NTN1: variants seen among roughly 807,000 people sequenced by gnomAD.
The protein encoded by NTN1 is netrin-1.
In NTN1, 11 loss-of-function variants were observed where a neutral mutation model predicts 54.2. That is an observed-to-expected ratio of 0.20 (90% CI 0.13 to 0.34). The LOEUF is 0.34. Ranked by LOEUF, NTN1 falls within the 10% of genes least tolerant of loss-of-function variation. The pLI, the probability that NTN1 is intolerant of heterozygous loss-of-function variation, is 1.00. For synonymous variants in NTN1, 371 were observed against 382.0 expected, an observed-to-expected ratio of 0.97 and a Z score of 0.33; for missense variants, 740 against 893.1, an observed-to-expected ratio of 0.83 and a Z score of 2.18.
intron 2 of NTN1, among the ~76,000 whole-genome samples, chr17:9,053,045 A>T (rs2142200472): frequency 6.6e-6 from 1 of 152,340 alleles, no homozygotes; most frequent in South Asian, 2.1e-4. Context: ...TTGAACTTGG[A>T]TGACGATGTA....
At chr17:9,107,657 G>A (rs2092172214) in intron 2 of NTN1, among the ~76,000 whole-genome samples, 1 of 152,146 alleles carries the variant, frequency 6.6e-6, no homozygotes, top group African/African-American at 2.4e-5. Flanking sequence ...GGTGGTGGTC[G>A]GCAAACCATG....
At chr17:9,026,401 G>GGT (rs1555562097) in intron 2 of NTN1, among the ~76,000 whole-genome samples, 2 of 146,126 alleles carry the variant, frequency 1.4e-5, no homozygotes, top group African/African-American at 5.0e-5. Context: ...CGGGGGGGGG[G>GGT]AACAAACAAC....
chr17:9,072,848 C>T (rs1033719077), intron 2 of NTN1, among the ~76,000 whole-genome samples: 10 of 152,208 alleles, frequency 6.6e-5, no homozygotes, highest in African/African-American at 1.9e-4. Flanking sequence ...CTCTCCTAGT[C>T]GGGGAACCAG....
chr17:9,227,355 T>A (rs4791821), intron 6 of NTN1, among the ~76,000 whole-genome samples: 120,182 of 149,690 alleles, frequency 0.8, 48,145 homozygotes, highest in African/African-American at 0.86. Context: ...TCAGTCACAC[T>A]CACATCATAC....
At chr17:9,026,889 A>T (rs890826709) in intron 2 of NTN1, among the ~76,000 whole-genome samples, 3 of 152,064 alleles carry the variant, frequency 2.0e-5, no homozygotes, top group Non-Finnish European at 4.4e-5. Flanking sequence ...ATGGCTTTGC[A>T]TTGCTCAGCT....
chr17:9,007,343 TTC>T, the NTN1 span, among the ~76,000 whole-genome samples: 25,356 of 149,230 alleles, frequency 0.17, 2,363 homozygotes, highest in Non-Finnish European at 0.21. Context: ...TTTTCTTTCT[TTC>T]TCTTTCTCTC....
intron 6 of NTN1, among the ~76,000 whole-genome samples, chr17:9,235,032 G>A (rs969599196): frequency 1.1e-4 from 15 of 139,532 alleles, no homozygotes; most frequent in African/African-American, 1.4e-4. Flanking sequence ...GTGCGATCTC[G>A]GCTCACTGCA....
intron 3 of NTN1, among the ~76,000 whole-genome samples, chr17:9,178,431 TTCTTC>T (rs1460689144): frequency 6.6e-6 from 1 of 152,206 alleles, no homozygotes; most frequent in Non-Finnish European, 1.5e-5. Context: ...ATTCCTCACA[TTCTTC>T]TCTTCTCCAC....
chr17:9,221,208 G>A lies in NTN1; in HGVS notation c.1452G>A (p.Lys484=), dbSNP rs751434475. Residue 484 remains lysine (K), a synonymous_variant, in exon 6 of 7, where the codon AAG becomes AAA. Coordinates refer to ENST00000173229, the MANE Select transcript of NTN1 (RefSeq NM_004822.3). The surrounding 1 kb of genome is among the most constrained non-coding windows in gnomAD (Gnocchi z 4.5). ...SYCKASKGKL[K]INMKKYCKKD... Reference sequence around the variant, plus strand: ...GCAAGGCCTCCAAGGGGAAGCTGAAGATTAACATGAAAAAGTACTGCAAGA... The same window carrying A: ...GCAAGGCCTCCAAGGGGAAGCTGAAAATTAACATGAAAAAGTACTGCAAGA... The A allele has an allele frequency of 8.7e-6, 14 of 1,610,098 alleles. No individual in the cohort carries two copies. The East Asian group carries it at 3.1e-4, about 36-fold the overall frequency.
intron 2 of NTN1, among the ~76,000 whole-genome samples, chr17:9,023,711 C>G (rs1271289615): frequency 3.9e-5 from 6 of 152,364 alleles, no homozygotes; most frequent in East Asian, 1.9e-4. Context: ...ATTGCCTTCC[C>G]CCTCGTTGGG....
At chr17:9,139,601 C>T (rs978990411) in intron 2 of NTN1, among the ~76,000 whole-genome samples, 3 of 152,116 alleles carry the variant, frequency 2.0e-5, no homozygotes, top group African/African-American at 7.2e-5. Flanking sequence ...CTGAGAGCCT[C>T]CTGTGAGCCA....
At chr17:9,133,899 C>CCTTTTTT (rs1555570598) in intron 2 of NTN1, among the ~76,000 whole-genome samples, 3 of 85,444 alleles carry the variant, frequency 3.5e-5, no homozygotes, top group African/African-American at 9.8e-5. Context: ...TGGGCCTAGC[C>CCTTTTTT]TTTTTTTTTT....
chr17:9,050,682 A>C lies in NTN1; in HGVS notation c.1018+27291A>C, dbSNP rs992066970. Among the ~76,000 whole-genome samples, 35 of 151,714 alleles carry C rather than the reference A, an allele frequency of 2.3e-4. 1 individual carries two copies. Among genetic ancestry groups the C allele is most frequent in the Admixed American group, 2.0e-3 (31 of 15,226 alleles). On this transcript the variant is annotated intron_variant, in intron 2 of 6. Transcript: ENST00000173229. Reference sequence around the variant, plus strand: ...AGACTCCATCTCAAAAAAAAAAAAAAAAAAAAAAAACCCTAGCTGGACTCC... The same window carrying C: ...AGACTCCATCTCAAAAAAAAAAAAACAAAAAAAAAACCCTAGCTGGACTCC...
intron 5 of NTN1, among the ~76,000 whole-genome samples, chr17:9,206,482 G>T (rs976442626): frequency 2.0e-5 from 3 of 152,126 alleles, no homozygotes; most frequent in African/African-American, 7.2e-5. Context: ...CCCTCGGGGG[G>T]AGGGGGCTGG....
rs116183961 is a variant in NTN1 at position 9,199,011 on chromosome 17, C to T, written c.1411+16042C>T. Among the ~76,000 whole-genome samples, 521 of 152,324 alleles carry T rather than the reference C, an allele frequency of 3.4e-3. 8 individuals are homozygous for T. The South Asian group carries it at 0.058, about 17-fold the overall frequency. ...GGACAAGATAACAGGCATACCACCA[C>T]GGCTGCACCCACTATTGTCCTAATT... On this transcript the variant is annotated intron_variant, in intron 5 of 6. Transcript: ENST00000173229.
At chr17:9,193,436 C>T (rs181875990) in intron 5 of NTN1, among the ~76,000 whole-genome samples, 1 of 152,122 alleles carries the variant, frequency 6.6e-6, no homozygotes, top group African/African-American at 2.4e-5. Flanking sequence ...GAAGTTTAGA[C>T]GTTATGACAT....
chr17:9,070,155 A>G (rs755772126), intron 2 of NTN1, among the ~76,000 whole-genome samples: 1 of 152,208 alleles, frequency 6.6e-6, no homozygotes, highest in Non-Finnish European at 1.5e-5. Context: ...GACCTTGGGC[A>G]AATGTCTTAG....
chr17:9,105,347 G>A (rs1475593908), intron 2 of NTN1, among the ~76,000 whole-genome samples: 1 of 152,118 alleles, frequency 6.6e-6, no homozygotes, highest in Non-Finnish European at 1.5e-5. Context: ...ACCTCTCCGG[G>A]CCTTTTCTGA....
At chr17:9,202,977 A>G (rs1409563239) in intron 5 of NTN1, among the ~76,000 whole-genome samples, 6 of 152,024 alleles carry the variant, frequency 3.9e-5, no homozygotes, top group Admixed American at 6.5e-5. Flanking sequence ...GCTAGAGTGC[A>G]GTGGCGCGAT....
Sources: gnomAD v4.1 joint callset for allele counts (sites outside exome capture counted in the v4.1 genomes callset) on GRCh38, gnomAD v4.1.1 for gene constraint, Gnocchi (gnomAD v3.1) non-coding constraint, MANE v1.5 for transcripts, NCBI Gene and HGNC (gene_info 2026-07-23, HGNC 2026-07-21) for gene names.